The following ACTR3C variants were observed in gnomAD, a reference collection of about 807,000 sequenced individuals.
The protein encoded by ACTR3C is actin-related protein 3C.
ACTR3C carries 18 observed loss-of-function variants against 26.3 expected under a neutral mutation model. That is an observed-to-expected ratio of 0.68 (90% confidence interval 0.47 to 1.01). ACTR3C has a LOEUF of 1.01. Among genes scored for constraint, ACTR3C ranks in the 50% least tolerant of loss-of-function variants. The probability of loss-of-function intolerance (pLI) is 0.00; values close to 1 mark genes in which losing one functional copy is unlikely to be tolerated. For synonymous variants in ACTR3C, 55 were observed against 94.5 expected (o/e 0.58, Z 2.42); for missense variants, 184 against 250.7 (o/e 0.73, Z 1.80).
chr7:150,190,887 C>T, the ACTR3C span, among the ~76,000 whole-genome samples: 18 of 152,110 alleles, frequency 1.2e-4, no homozygotes, highest in Admixed American at 3.3e-4. Flanking sequence ...AGCAAGGAAA[C>T]GTGCCAAGCA....
In ACTR3C at chr7:150,274,965, A is replaced by G. The variant is rs1409419808; in HGVS notation, c.564+9788T>C. ...CCAGCCCACAGTCATTCCCTCCCACAGCCCACTCAGAACTGCAACTGGAAA... is the reference window on the plus strand; with the variant it reads ...CCAGCCCACAGTCATTCCCTCCCACGGCCCACTCAGAACTGCAACTGGAAA... On this transcript the variant is annotated intron_variant, in intron 6 of 7. Transcript: ENST00000683684. The surrounding 1 kb of genome is among the most constrained non-coding windows in gnomAD (Gnocchi z 4.1). Among the ~76,000 whole-genome samples the G allele has an allele frequency of 6.6e-6, 1 of 152,218 alleles. No individual in the cohort carries two copies. The highest frequency in any genetic ancestry group is 1.5e-5 in the Non-Finnish European group (1 of 68,028).
the ACTR3C span, among the ~76,000 whole-genome samples, chr7:150,191,446 T>C: frequency 2.0e-5 from 3 of 152,232 alleles, no homozygotes; most frequent in Non-Finnish European, 4.4e-5. Flanking sequence ...ATTTTTTAGA[T>C]TTAGTCCAAA....
At chr7:149,972,415 G>A in the ACTR3C span, among the ~76,000 whole-genome samples, 1 of 152,190 alleles carries the variant, frequency 6.6e-6, no homozygotes, top group Non-Finnish European at 1.5e-5. Flanking sequence ...CTAACTCCCT[G>A]TCCACGTTCC....
chr7:150,156,570 A>G, the ACTR3C span, among the ~76,000 whole-genome samples: 1 of 151,794 alleles, frequency 6.6e-6, no homozygotes, highest in African/African-American at 2.4e-5. Flanking sequence ...AGAGAGAGAG[A>G]GGAGAAAGAG....
the ACTR3C span, among the ~76,000 whole-genome samples, chr7:150,183,149 A>C: frequency 2.0e-5 from 3 of 150,910 alleles, no homozygotes; most frequent in Non-Finnish European, 4.4e-5. Flanking sequence ...GGAAAGCTCC[A>C]TTTAATTTAC....
chr7:149,889,374 A>G, the ACTR3C span, among the ~76,000 whole-genome samples: 1 of 152,240 alleles, frequency 6.6e-6, no homozygotes, highest in Non-Finnish European at 1.5e-5. Context: ...AGGCTGGGAA[A>G]AGATCGCTGT....
At chr7:149,993,409 A>T in the ACTR3C span, among the ~76,000 whole-genome samples, 2 of 152,044 alleles carry the variant, frequency 1.3e-5, no homozygotes, top group Admixed American at 1.3e-4. Flanking sequence ...TCCCTCCTAT[A>T]CTCAATGAGG....
the ACTR3C span, among the ~76,000 whole-genome samples, chr7:150,080,426 A>T: frequency 5.3e-5 from 8 of 151,680 alleles, no homozygotes; most frequent in Admixed American, 2.0e-4. Flanking sequence ...AGGAAAATTT[A>T]AAACACATGG....
At chr7:150,307,097 C>A (rs1795857436) in intron 1 of ACTR3C, among the ~76,000 whole-genome samples, 1 of 152,204 alleles carries the variant, frequency 6.6e-6, no homozygotes, top group Non-Finnish European at 1.5e-5. Flanking sequence ...TTATTCTGAG[C>A]CAAGTATGAG....
At chr7:150,111,965 T>C in the ACTR3C span, among the ~76,000 whole-genome samples, 1 of 151,942 alleles carries the variant, frequency 6.6e-6, no homozygotes, top group Non-Finnish European at 1.5e-5. Flanking sequence ...TTTTAAGTCT[T>C]GGGAAAGCAA....
the ACTR3C span, among the ~76,000 whole-genome samples, chr7:150,084,356 C>T: frequency 2.0e-5 from 3 of 152,292 alleles, no homozygotes; most frequent in South Asian, 2.1e-4. Flanking sequence ...TAGACAATGT[C>T]CTTCTCTGAG....
chr7:150,170,801 A>G, the ACTR3C span, among the ~76,000 whole-genome samples: 24,363 of 144,256 alleles, frequency 0.17, 2,662 homozygotes, highest in African/African-American at 0.34. Flanking sequence ...ACATCACATT[A>G]ATATGGGTCA....
the ACTR3C span, among the ~76,000 whole-genome samples, chr7:149,995,434 A>G: frequency 6.6e-6 from 1 of 152,262 alleles, no homozygotes; most frequent in African/African-American, 2.4e-5. Context: ...AAGGAGAAAG[A>G]GAAAGAGTGA....
chr7:150,176,726 T>C, the ACTR3C span, among the ~76,000 whole-genome samples: 1 of 150,852 alleles, frequency 6.6e-6, no homozygotes, highest in Non-Finnish European at 1.5e-5. Flanking sequence ...ACAAACTTTA[T>C]GAAGTCTTCT....
the ACTR3C span, among the ~76,000 whole-genome samples, chr7:149,964,688 T>C: frequency 6.6e-6 from 1 of 152,202 alleles, no homozygotes; most frequent in Non-Finnish European, 1.5e-5. Flanking sequence ...GATTTATATA[T>C]ATTTAGTGAG....
the ACTR3C span, among the ~76,000 whole-genome samples, chr7:150,169,360 G>A: frequency 7.4e-6 from 1 of 135,142 alleles, no homozygotes; most frequent in East Asian, 2.3e-4. Flanking sequence ...TCCAGCCTGG[G>A]CAACAGAGTG....
the ACTR3C span, among the ~76,000 whole-genome samples, chr7:150,042,722 T>A: frequency 6.6e-6 from 1 of 151,768 alleles, no homozygotes; most frequent in African/African-American, 2.4e-5. Flanking sequence ...AGCAGGGCAG[T>A]TGCTGCCAAG....
chr7:150,309,924 G>A (rs1796154469), intron 1 of ACTR3C, among the ~76,000 whole-genome samples: 1 of 152,040 alleles, frequency 6.6e-6, no homozygotes, highest in South Asian at 2.1e-4. Context: ...CTTTTTAATT[G>A]ATATGGAGGC....
chr7:149,972,589 C>T, the ACTR3C span, among the ~76,000 whole-genome samples: 1 of 152,178 alleles, frequency 6.6e-6, no homozygotes, highest in Admixed American at 6.5e-5. Context: ...CCTGCTCCCG[C>T]TCTCCACCCA....
Sources: allele counts gnomAD v4.1 joint callset (sites outside exome capture counted in the v4.1 genomes callset), GRCh38; gene constraint gnomAD v4.1.1; non-coding constraint Gnocchi (gnomAD v3.1); transcripts MANE v1.5; gene names NCBI Gene and HGNC (gene_info 2026-07-23, HGNC 2026-07-21).